Variants in MSRA observed in about 807,000 individuals in gnomAD.
MSRA encodes the protein methionine sulfoxide reductase A, also known as mitochondrial peptide methionine sulfoxide reductase.
A neutral mutation model predicts 31.3 loss-of-function variants in MSRA; 54 were observed. The observed-to-expected ratio is 1.73, with a 90% CI of 1.39 to 2.17. The LOEUF (loss-of-function observed/expected upper bound fraction) is 2.17, where lower values mean the gene tolerates loss of function less well. MSRA is among the 30% of genes most tolerant of loss of function. The pLI is 0.00. For synonymous variants in MSRA, 169 were observed against 116.5 expected (o/e 1.45, Z -2.90); for missense variants, 507 against 300.9 (o/e 1.69, Z -5.07).
chr8:10,337,076 A>G (rs1803095306), intron 5 of MSRA: 1 of 152,290 alleles, frequency 6.6e-6, no homozygotes, highest in African/African-American at 2.4e-5. Context: ...CGCAATTCAC[A>G]TCACCTGTCT....
intron 1 of MSRA, among the ~76,000 whole-genome samples, chr8:10,193,299 G>T (rs867448286): frequency 7.2e-5 from 11 of 152,170 alleles, no homozygotes; most frequent in Admixed American, 1.3e-4. Context: ...GCTTTATGGA[G>T]GCCTATGGCC....
chr8:10,378,697 A>C (rs1485690894), intron 5 of MSRA, among the ~76,000 whole-genome samples: 2 of 152,296 alleles, frequency 1.3e-5, no homozygotes, highest in African/African-American at 4.8e-5. Context: ...CCCCATTGGC[A>C]CCACCTGGGA....
intron 2 of MSRA, among the ~76,000 whole-genome samples, chr8:10,222,276 C>A (rs1810583879): frequency 3.3e-5 from 5 of 152,080 alleles, no homozygotes; most frequent in Admixed American, 2.0e-4. Context: ...GCCATATTTT[C>A]ATAGTTTTGT....
chr8:10,283,836 T>TATATATATATACACAC (rs1261287031), intron 3 of MSRA, among the ~76,000 whole-genome samples: 19 of 53,154 alleles, frequency 3.6e-4, no homozygotes, highest in African/African-American at 1.2e-3. Flanking sequence ...TATATATATA[T>TATATATATATACACAC]ACACACACAC....
In MSRA at chr8:10,411,505, A is replaced by G. The variant is rs564481330; in HGVS notation, c.544-16643A>G. The G allele has an allele frequency of 3.9e-5, 6 of 152,270 alleles. No homozygotes were observed. In the South Asian group the frequency reaches 1.2e-3, roughly 32 times the overall value. 9.4% of individuals were successfully genotyped at this position (152,270 alleles called of 1,614,324 possible). A position where few individuals can be genotyped will look rare whatever the true frequency, so the allele number is the denominator to read the frequency against. ...TTTCCTTTGAATATAATAATAAAAA[A>G]AAAAAACCCAATCATTGAATTCTTA... is the stretch of plus-strand genomic sequence containing the variant. On this transcript the variant is annotated intron_variant, in intron 5 of 5. Coordinates refer to ENST00000317173, the MANE Select transcript of MSRA (RefSeq NM_012331.5).
chr8:10,107,918 T>A (rs1027241648), intron 1 of MSRA, among the ~76,000 whole-genome samples: 2 of 152,212 alleles, frequency 1.3e-5, no homozygotes, highest in Non-Finnish European at 2.9e-5. Context: ...CTCCTTTAGT[T>A]TGCCTTTACA....
intron 3 of MSRA, among the ~76,000 whole-genome samples, chr8:10,277,665 G>A (rs976390239): frequency 5.3e-5 from 8 of 152,110 alleles, no homozygotes; most frequent in African/African-American, 1.7e-4. Flanking sequence ...ATAACCCAAT[G>A]TCATTGTATA....
chr8:10,312,998 G>C (rs893343035), intron 4 of MSRA, among the ~76,000 whole-genome samples: 10 of 152,116 alleles, frequency 6.6e-5, no homozygotes, highest in Admixed American at 4.6e-4. Flanking sequence ...ATTGGAGTGG[G>C]GGTCCTAGCT....
chr8:10,187,398 C>T (rs754964832), intron 1 of MSRA, among the ~76,000 whole-genome samples: 11 of 152,148 alleles, frequency 7.2e-5, no homozygotes, highest in South Asian at 2.1e-4. Context: ...TGATTTACAC[C>T]GGTACCCAAG....
At chr8:10,143,846 C>A (rs1802911036) in intron 1 of MSRA, among the ~76,000 whole-genome samples, 1 of 152,200 alleles carries the variant, frequency 6.6e-6, no homozygotes. Context: ...CTTCCTCAAA[C>A]CTTATTCTTA....
intron 1 of MSRA, among the ~76,000 whole-genome samples, chr8:10,077,045 T>TAAAAAAAAA (rs543152237): frequency 7.2e-6 from 1 of 139,104 alleles, no homozygotes; most frequent in Non-Finnish European, 1.5e-5. Context: ...CCTCAGAACT[T>TAAAAAAAAA]AAAAAAAAAA....
At chr8:10,392,426 G>C (rs1806803392) in intron 5 of MSRA, among the ~76,000 whole-genome samples, 1 of 152,116 alleles carries the variant, frequency 6.6e-6, no homozygotes, top group African/African-American at 2.4e-5. Flanking sequence ...GTCAAGGCTG[G>C]GCACTGAGTC....
At chr8:10,400,463 A>C (rs184861610) in intron 5 of MSRA, among the ~76,000 whole-genome samples, 3 of 152,120 alleles carry the variant, frequency 2.0e-5, no homozygotes, top group African/African-American at 7.2e-5. Flanking sequence ...TTGACTCCCC[A>C]TGTGACTGCT....
intron 5 of MSRA, among the ~76,000 whole-genome samples, chr8:10,385,092 A>C (rs1485786642): frequency 6.6e-6 from 1 of 152,204 alleles, no homozygotes; most frequent in Non-Finnish European, 1.5e-5. Flanking sequence ...CTTCGAATGC[A>C]AAGGACAAGT....
intron 1 of MSRA, among the ~76,000 whole-genome samples, chr8:10,055,537 A>G (rs866863430): frequency 6.6e-6 from 1 of 152,164 alleles, no homozygotes; most frequent in Non-Finnish European, 1.5e-5. Context: ...GCGTTCCCCC[A>G]TTACTGAATC....
chr8:10,361,420 C>A (rs1288329387), intron 5 of MSRA, among the ~76,000 whole-genome samples: 1 of 152,150 alleles, frequency 6.6e-6, no homozygotes. Flanking sequence ...TTATTTTTGG[C>A]TGTAACTCAC....
intron 1 of MSRA, among the ~76,000 whole-genome samples, chr8:10,094,510 T>A (rs1480779996): frequency 6.6e-6 from 1 of 152,230 alleles, no homozygotes; most frequent in Non-Finnish European, 1.5e-5. Context: ...AAGTCACTGA[T>A]TTTCATAAGT....
chr8:10,307,678 T>C (rs116906592), intron 4 of MSRA, among the ~76,000 whole-genome samples: 2,101 of 152,322 alleles, frequency 0.014, 21 homozygotes, highest in African/African-American at 0.035. Flanking sequence ...TGCTGCACAG[T>C]TGGATGCGTG....
intron 3 of MSRA, among the ~76,000 whole-genome samples, chr8:10,283,836 T>TATATATATATATATATATATACACACAC (rs1261287031): frequency 9.4e-5 from 5 of 53,160 alleles, no homozygotes; most frequent in Non-Finnish European, 1.3e-4. Flanking sequence ...TATATATATA[T>TATATATATATATATATATATACACACAC]ACACACACAC....
Sources: gnomAD v4.1 joint callset for allele counts (sites outside exome capture counted in the v4.1 genomes callset) on GRCh38, gnomAD v4.1.1 for gene constraint, MANE v1.5 for transcripts, NCBI Gene and HGNC (gene_info 2026-07-23, HGNC 2026-07-21) for gene names.